TENM4: variants seen among roughly 807,000 people sequenced by gnomAD.
TENM4 encodes the protein teneurin transmembrane protein 4.
TENM4 carries 82 observed loss-of-function variants against 243.3 expected under a neutral mutation model. That is an observed-to-expected ratio of 0.34 (90% confidence interval 0.28 to 0.40). TENM4 has a LOEUF of 0.40. TENM4 is among the 10% of genes least tolerant of loss of function. The pLI is 1.00. For synonymous variants in TENM4, 1,412 were observed against 1,456.3 expected, an observed-to-expected ratio of 0.97 and a Z score of 0.69; for missense variants, 3,138 against 3,673.3, an observed-to-expected ratio of 0.85 and a Z score of 3.77.
At chr11:79,237,568 T>C (rs1006090081) in intron 2 of TENM4, among the ~76,000 whole-genome samples, 4 of 152,120 alleles carry the variant, frequency 2.6e-5, no homozygotes, top group African/African-American at 9.7e-5. Context: ...TCCCAGCTAC[T>C]TGGGAGGCTG....
intron 4 of TENM4, among the ~76,000 whole-genome samples, chr11:79,074,845 T>C (rs1860499390): frequency 1.3e-5 from 2 of 152,186 alleles, no homozygotes; most frequent in Non-Finnish European, 1.5e-5. Context: ...CGCTTCATAC[T>C]GGGCTCTGCT....
At chr11:79,050,671 CA>C (rs1480070974) in intron 6 of TENM4, among the ~76,000 whole-genome samples, 1 of 152,166 alleles carries the variant, frequency 6.6e-6, no homozygotes, top group Non-Finnish European at 1.5e-5. Context: ...TTCAGGAAAG[CA>C]ATTTGTTTTG....
At chr11:79,046,967 G>A (rs768504572) in intron 6 of TENM4, among the ~76,000 whole-genome samples, 10 of 152,056 alleles carry the variant, frequency 6.6e-5, no homozygotes, top group Non-Finnish European at 1.2e-4. Flanking sequence ...TCATCAAGAC[G>A]CGATGAGAAC....
chr11:78,702,088 C>G lies in TENM4; in HGVS notation c.4525G>C (p.Ala1509Pro), dbSNP rs1859120715. The G allele has an allele frequency of 6.2e-7, 1 of 1,613,860 alleles. No homozygotes were observed. Among genetic ancestry groups the G allele is most frequent in the Admixed American group, 1.7e-5 (1 of 60,022 alleles). The change falls in exon 28 of 34, where the codon GCC (alanine) becomes CCC (proline). Residue 1509 changes from alanine to proline, a missense_variant. Ala to Pro is a conservative substitution (Grantham distance 27). This residue lies in a region of TENM4 where 2,467 missense variants were observed against 3,059.1 expected (regional missense o/e 0.81). Coordinates refer to ENST00000278550, the MANE Select transcript of TENM4 (RefSeq NM_001098816.3). Reference protein sequence around the residue: ...TSGEISLVAGAPSGCDCKNDA... With the variant: ...TSGEISLVAGPPSGCDCKNDA... ...TTTTTACAGTCACAGCCACTGGGGG[C>G]CCCAGCAACGAGTGAGATCTCTCCA... is the stretch of plus-strand genomic sequence containing the variant.
chr11:79,309,137 A>G (rs969921017), intron 1 of TENM4, among the ~76,000 whole-genome samples: 3 of 152,182 alleles, frequency 2.0e-5, no homozygotes, highest in African/African-American at 4.8e-5. Context: ...CCTAGTGTTA[A>G]CAAATCTGAC....
intron 12 of TENM4, among the ~76,000 whole-genome samples, chr11:78,840,588 T>A (rs1178055526): frequency 6.6e-6 from 1 of 152,158 alleles, no homozygotes; most frequent in South Asian, 2.1e-4. Context: ...CTCCCTCAAA[T>A]TTGCCATCAC....
chr11:78,833,402 G>A (rs961721134), intron 12 of TENM4, among the ~76,000 whole-genome samples: 6 of 152,106 alleles, frequency 3.9e-5, no homozygotes, highest in African/African-American at 1.4e-4. Flanking sequence ...ATGGAAAGGC[G>A]TCATTTTTTG....
chr11:78,932,229 TAAAC>T (rs1164505277), intron 6 of TENM4, among the ~76,000 whole-genome samples: 1 of 152,172 alleles, frequency 6.6e-6, no homozygotes, highest in African/African-American at 2.4e-5. Flanking sequence ...CAAAACACAA[TAAAC>T]AAGTCAGAAA....
At chr11:79,198,088 G>T (rs955697658) in intron 3 of TENM4, among the ~76,000 whole-genome samples, 5 of 152,176 alleles carry the variant, frequency 3.3e-5, no homozygotes, top group Admixed American at 6.5e-5. Context: ...AAGAGGCCTA[G>T]CACATTGTTT....
At chr11:79,215,598 C>A (rs2135226034) in intron 3 of TENM4, among the ~76,000 whole-genome samples, 1 of 152,302 alleles carries the variant, frequency 6.6e-6, no homozygotes, top group South Asian at 2.1e-4. Flanking sequence ...TGGTTTCCAG[C>A]AACCGTTGCC....
At chr11:79,310,605 T>A (rs1856702889) in intron 1 of TENM4, among the ~76,000 whole-genome samples, 1 of 152,156 alleles carries the variant, frequency 6.6e-6, no homozygotes, top group Admixed American at 6.5e-5. Context: ...AACTTCAGAG[T>A]TCTTTCCACT....
intron 1 of TENM4, among the ~76,000 whole-genome samples, chr11:79,333,151 A>G (rs1857088788): frequency 6.6e-6 from 1 of 152,172 alleles, no homozygotes; most frequent in Non-Finnish European, 1.5e-5. Flanking sequence ...GAGACTGAGT[A>G]CCATCCCCAA....
At chr11:79,261,532 C>T (rs1855797039) in intron 2 of TENM4, among the ~76,000 whole-genome samples, 1 of 152,088 alleles carries the variant, frequency 6.6e-6, no homozygotes, top group South Asian at 2.1e-4. Context: ...TGGGAATGAG[C>T]CCCCACAGTA....
intron 6 of TENM4, among the ~76,000 whole-genome samples, chr11:79,028,178 T>C (rs1303115951): frequency 2.6e-5 from 4 of 152,188 alleles, no homozygotes; most frequent in African/African-American, 9.7e-5. Context: ...TGTAAAGATT[T>C]AGGGAGAAGA....
chr11:78,762,619 G>A (rs1334680264), intron 18 of TENM4, among the ~76,000 whole-genome samples: 1 of 152,116 alleles, frequency 6.6e-6, no homozygotes, highest in African/African-American at 2.4e-5. Context: ...ACAAATATTT[G>A]CTGAGTAGTA....
chr11:79,321,639 C>T (rs1339066014), intron 1 of TENM4, among the ~76,000 whole-genome samples: 1 of 55,292 alleles, frequency 1.8e-5, no homozygotes, highest in Non-Finnish European at 3.8e-5. Context: ...CAGGAAATTA[C>T]CAAAAAAAAA....
At chr11:79,196,081 T>C (rs1863620907) in intron 3 of TENM4, among the ~76,000 whole-genome samples, 1 of 152,196 alleles carries the variant, frequency 6.6e-6, no homozygotes. Flanking sequence ...GCTGCCGCCA[T>C]GTTAGAAGTG....
At chr11:78,760,525 T>C (rs562557007) in intron 18 of TENM4, among the ~76,000 whole-genome samples, 12 of 152,336 alleles carry the variant, frequency 7.9e-5, no homozygotes, top group Admixed American at 5.9e-4. Context: ...CTTGGATGTC[T>C]TGTGACAATG....
chr11:79,330,721 C>G (rs1478177743), intron 1 of TENM4, among the ~76,000 whole-genome samples: 2 of 152,152 alleles, frequency 1.3e-5, no homozygotes, highest in Non-Finnish European at 2.9e-5. Flanking sequence ...TTTTACTATC[C>G]CTCCTGGCAG....
Sources: gnomAD v4.1 joint callset for allele counts (sites outside exome capture counted in the v4.1 genomes callset) on GRCh38, gnomAD v4.1.1 for gene constraint, gnomAD v4.1.1 regional missense constraint, MANE v1.5 for transcripts, NCBI Gene and HGNC (gene_info 2026-07-23, HGNC 2026-07-21) for gene names.